Variants in MCC observed in about 807,000 individuals in gnomAD.
MCC encodes MCC regulator of Wnt signaling pathway, also known as colorectal mutant cancer protein.
MCC carries 90 observed loss-of-function variants against 116.2 expected under a neutral mutation model. The ratio of observed to expected loss-of-function variants is 0.77; its 90% CI spans 0.65 to 0.92. MCC has a LOEUF of 0.92. Ranked by LOEUF, MCC falls within the 40% of genes least tolerant of loss-of-function variation. MCC has a pLI of 0.00. For synonymous variants in MCC, 578 were observed against 510.5 expected (o/e 1.13, Z -1.78); for missense variants, 1,516 against 1,312.2 (o/e 1.16, Z -2.40).
chr5:113,058,145 T>G (rs1236495725), intron 14 of MCC, among the ~76,000 whole-genome samples: 1 of 152,248 alleles, frequency 6.6e-6, no homozygotes, highest in African/African-American at 2.4e-5. Context: ...TATATTTTCT[T>G]CAGACTACTT....
At position 113,473,523 on chromosome 5, in the gene MCC, CAAAACAAAAACA is replaced by C. The variant is rs964322288; in HGVS notation, c.170+14710_170+14721del. Among the ~76,000 whole-genome samples the C allele has an allele frequency of 8.6e-5, 13 of 152,006 alleles. No homozygotes were observed. The East Asian group carries it at 1.3e-3, about 16-fold the overall frequency. On this transcript the variant is annotated intron_variant, in intron 1 of 18. Transcript: ENST00000408903. The stretch of plus-strand genomic sequence containing the variant: ...TGGATGACAGAGCAAGACCCTTTCT[CAAAACAAAAACA>C]AAAACAAAAACAAAACAAAACAAAA...
chr5:113,340,555 G>A lies in MCC; in HGVS notation c.591C>T (p.Asn197=), dbSNP rs1581411938. ...GCTCTAGATAGCTTCCTCCTACAGA[G>A]TTGCCAATGTGCGGGGACTGTGTGA... is the stretch of plus-strand genomic sequence containing the variant. The part of the protein sequence containing the change: ...KLLTQSPHIG[N]SVGGSYLELA... The change falls in exon 3 of 19, where the codon AAC becomes AAT. Residue 197 remains asparagine, a synonymous_variant. Coordinates refer to ENST00000408903, the MANE Select transcript of MCC (RefSeq NM_001085377.2). 6.2e-7 allele frequency: 1 copy of A among 1,614,180 alleles called. No individual in the cohort carries two copies. The highest frequency in any genetic ancestry group is 8.5e-7 in the Non-Finnish European group (1 of 1,180,012).
chr5:113,451,838 T>A (rs964897038), intron 1 of MCC, among the ~76,000 whole-genome samples: 1 of 152,174 alleles, frequency 6.6e-6, no homozygotes, highest in African/African-American at 2.4e-5. Flanking sequence ...CAAACCAATC[T>A]AAAATTTGGT....
At chr5:113,111,563 C>T (rs1757099003) in intron 6 of MCC, among the ~76,000 whole-genome samples, 1 of 152,194 alleles carries the variant, frequency 6.6e-6, no homozygotes, top group African/African-American at 2.4e-5. Flanking sequence ...CTTAAATGTA[C>T]ATATAGTTCA....
At chr5:113,357,829 CAG>C (rs983549710) in intron 2 of MCC, among the ~76,000 whole-genome samples, 2 of 152,284 alleles carry the variant, frequency 1.3e-5, no homozygotes, top group African/African-American at 4.8e-5. Flanking sequence ...AGGGAAGACT[CAG>C]GGGAGAAGTA....
chr5:113,269,940 T>C (rs557506635), intron 3 of MCC, among the ~76,000 whole-genome samples: 1 of 152,242 alleles, frequency 6.6e-6, no homozygotes, highest in Non-Finnish European at 1.5e-5. Flanking sequence ...ATTACATTTC[T>C]GCAATTTTGA....
At chr5:113,199,098 G>T (rs1183413343) in intron 3 of MCC, among the ~76,000 whole-genome samples, 1 of 152,078 alleles carries the variant, frequency 6.6e-6, no homozygotes, top group African/African-American at 2.4e-5. Flanking sequence ...AACCTGGGAG[G>T]TGGAGGTTGC....
At chr5:113,286,540 C>T (rs544298500) in intron 3 of MCC, among the ~76,000 whole-genome samples, 4 of 152,310 alleles carry the variant, frequency 2.6e-5, no homozygotes, top group Admixed American at 6.5e-5. Context: ...AAGTCCTATG[C>T]GCGTTCCAGG....
At chr5:113,333,614 T>C (rs1327034652) in intron 3 of MCC, among the ~76,000 whole-genome samples, 2 of 150,582 alleles carry the variant, frequency 1.3e-5, no homozygotes, top group East Asian at 1.9e-4. Flanking sequence ...AGCAGCAGGG[T>C]GCAGAATACA....
intron 3 of MCC, among the ~76,000 whole-genome samples, chr5:113,228,431 C>T (rs930410876): frequency 6.6e-6 from 1 of 152,124 alleles, no homozygotes; most frequent in African/African-American, 2.4e-5. Flanking sequence ...TCCAAACGGC[C>T]TCAATGTTAA....
At chr5:113,147,817 A>C (rs1217572034) in intron 4 of MCC, among the ~76,000 whole-genome samples, 1 of 152,142 alleles carries the variant, frequency 6.6e-6, no homozygotes, top group African/African-American at 2.4e-5. Context: ...GAATGAGGCG[A>C]CCCTAACAAA....
Position 113,488,383 on chromosome 5 carries a change from C to A in MCC, c.32G>T (p.Gly11Val). The change falls in exon 1 of 19, where the codon GGG becomes GTG. Residue 11 changes from glycine to valine, a missense_variant. Coordinates refer to ENST00000408903, the MANE Select transcript of MCC (RefSeq NM_001085377.2). ...GCCGCCGCCGCCGCTGCTGGAGCTC[C>A]CCGCAGCCGCTGCCGCCGCGGCCGC... is the stretch of plus-strand genomic sequence containing the variant. MMAAAAAAAA[G>V]SSSSGGGGGG... The A allele has an allele frequency of 1.4e-6, 2 of 1,431,004 alleles. No homozygotes were observed. The highest frequency in any genetic ancestry group is 1.6e-5 in the South Asian group (1 of 62,872). The allele number at this position is 1,431,004 out of a possible 1,614,324, so 88.6% of individuals were successfully genotyped here.
At chr5:113,160,737 T>C (rs912641737) in intron 3 of MCC, among the ~76,000 whole-genome samples, 1 of 152,234 alleles carries the variant, frequency 6.6e-6, no homozygotes, top group South Asian at 2.1e-4. Flanking sequence ...GCATGGGGGA[T>C]AGACAGGTAT....
intron 1 of MCC, among the ~76,000 whole-genome samples, chr5:113,402,915 C>T (rs889414752): frequency 4.6e-5 from 7 of 152,144 alleles, no homozygotes; most frequent in African/African-American, 1.7e-4. Context: ...CTGCCTCAGC[C>T]TTCACACCCA....
intron 1 of MCC, among the ~76,000 whole-genome samples, chr5:113,473,541 A>AAAAAC (rs996829026): frequency 1.5e-4 from 23 of 152,252 alleles, no homozygotes; most frequent in African/African-American, 2.4e-4. Context: ...AAACAAAAAC[A>AAAAAC]AAAACAAAAC....
At chr5:113,356,592 A>G (rs1293994804) in intron 2 of MCC, among the ~76,000 whole-genome samples, 1 of 152,154 alleles carries the variant, frequency 6.6e-6, no homozygotes, top group East Asian at 1.9e-4. Flanking sequence ...TAGAACAGAA[A>G]AACCTGCCGG....
Position 113,022,353 on chromosome 5 carries a change from G to C in MCC, c.*4949C>G, listed in dbSNP as rs1177575543. 6.6e-6 allele frequency: 1 copy of C among 152,514 alleles called. No individual in the cohort carries two copies. The highest frequency in any genetic ancestry group is 2.4e-5 in the African/African-American group (1 of 41,422). 9.4% of individuals were successfully genotyped at this position (152,514 alleles called of 1,614,324 possible). On this transcript the variant is annotated 3_prime_UTR_variant, in exon 19 of 19. Transcript: ENST00000408903. ...AATGAGACTTTCAGTACAAACAGTA[G>C]AACAATACTGACAAATGCAAACTTA...
intron 3 of MCC, among the ~76,000 whole-genome samples, chr5:113,191,891 T>A (rs570787655): frequency 6.6e-6 from 1 of 152,286 alleles, no homozygotes; most frequent in South Asian, 2.1e-4. Context: ...CTTTAACTGA[T>A]TCAACAGAAA....
In MCC at chr5:113,125,886, C is replaced by T. The variant is rs563640883; in HGVS notation, c.885-3060G>A. Among the ~76,000 whole-genome samples the T allele has an allele frequency of 2.6e-5, 4 of 152,110 alleles. No individual in the cohort carries two copies. In the East Asian group the frequency reaches 7.7e-4, roughly 29 times the overall value. On this transcript the variant is annotated intron_variant, in intron 5 of 18. Coordinates refer to ENST00000408903, the MANE Select transcript of MCC (RefSeq NM_001085377.2). ...ACTTATTTCTTTGGGGAAAAAATGC[C>T]TCCCAAAAAAACACCAACTGCTATT...
Sources: allele counts gnomAD v4.1 joint callset (sites outside exome capture counted in the v4.1 genomes callset), GRCh38; gene constraint gnomAD v4.1.1; transcripts MANE v1.5; gene names NCBI Gene and HGNC (gene_info 2026-07-23, HGNC 2026-07-21).